The following POU2F1 variants were observed in gnomAD, a reference collection of about 807,000 sequenced individuals.
POU2F1 encodes POU class 2 homeobox 1, also known as POU domain, class 2, transcription factor 1.
A neutral mutation model predicts 84.9 loss-of-function variants in POU2F1; 16 were observed. The ratio of observed to expected loss-of-function variants is 0.19; its 90% confidence interval spans 0.13 to 0.29. The LOEUF (loss-of-function observed/expected upper bound fraction) is 0.29, where lower values mean the gene tolerates loss of function less well. Ranked by LOEUF, POU2F1 falls within the 10% of genes least tolerant of loss-of-function variation. The pLI, the probability that POU2F1 is intolerant of heterozygous loss-of-function variation, is 1.00. For missense variants in POU2F1, 738 were observed against 942.6 expected, an observed-to-expected ratio of 0.78 and a Z score of 2.84; for synonymous variants, 368 against 368.3, an observed-to-expected ratio of 1.00 and a Z score of 0.01.
chr1:167,228,435 A>T (rs550700816), intron 1 of POU2F1, among the ~76,000 whole-genome samples: 6 of 152,362 alleles, frequency 3.9e-5, no homozygotes, highest in African/African-American at 1.4e-4. Context: ...CTTCCAGTCT[A>T]ATTTATGAAA....
At chr1:167,333,058 A>G (rs1025144581) in intron 2 of POU2F1, among the ~76,000 whole-genome samples, 53 of 152,220 alleles carry the variant, frequency 3.5e-4, no homozygotes, top group African/African-American at 1.0e-3. Flanking sequence ...TATAAATTAT[A>G]TTAAAAGTTA....
In POU2F1 at chr1:167,389,677, C is replaced by T. The variant is rs760410027; in HGVS notation, c.903C>T (p.Ser301=). 2 of 1,614,210 alleles carry T rather than the reference C, an allele frequency of 1.2e-6. No individual in the cohort carries two copies. Among genetic ancestry groups the T allele is most frequent in the Non-Finnish European group, 1.7e-6 (2 of 1,180,032 alleles). Residue 301 remains serine, a synonymous_variant, in exon 9 of 16, where the codon AGC becomes AGT. Transcript: ENST00000367866. ...QSTPKRIDTP[S]LEEPSDLEEL... ...CACCAAAGCGAATTGATACTCCCAG[C>T]TTGGAGGAGCCCAGTGACCTTGAGG...
intron 2 of POU2F1, among the ~76,000 whole-genome samples, chr1:167,358,716 C>CTTTTTTTTTTTTTTTTTTTTTTTTTTT (rs1197814755): frequency 1.8e-4 from 7 of 38,354 alleles, no homozygotes; most frequent in African/African-American, 3.6e-4. Context: ...TTATCTGCAG[C>CTTTTTTTTTTTTTTTTTTTTTTTTTTT]TTTTTTTTTT....
rs775820178 is a variant in POU2F1 at position 167,365,418 on chromosome 1, A to G, written c.128-49A>G. On this transcript the variant is annotated intron_variant, in intron 2 of 15. Transcript: ENST00000367866. ...GTTGGTAACTGAAATCTAGTGCTTT[A>G]TTTCATTTATTTCTTTTAATAGTTG... is the stretch of plus-strand genomic sequence containing the variant. 3.6e-6 allele frequency: 5 copies of G among 1,387,588 alleles called. No homozygotes were observed. In the South Asian group the frequency reaches 5.5e-5, roughly 15 times the overall value. The allele number at this position is 1,387,588 out of a possible 1,614,324, so 86.0% of individuals were successfully genotyped here.
intron 1 of POU2F1, among the ~76,000 whole-genome samples, chr1:167,245,369 G>C (rs1172269950): frequency 7.3e-5 from 11 of 150,682 alleles, no homozygotes. Context: ...TCAACCTCCC[G>C]AGTAGCTGGG....
At position 167,304,774 on chromosome 1, in the gene POU2F1, G is replaced by C. The variant is rs13373874; in HGVS notation, c.62-27696G>C. Among the ~76,000 whole-genome samples the C allele has an allele frequency of 7.0e-3, 1,071 of 152,216 alleles. 8 individuals are homozygous for C. The highest frequency in any genetic ancestry group is 0.024 in the African/African-American group (1,016 of 41,524). ...GTAAACTAATTTGGGCAAGTCCAAA[G>C]GGATATTTTCTGTGACTGAACATTT... On this transcript the variant is annotated intron_variant, in intron 1 of 15. Transcript: ENST00000367866.
Position 167,415,597 on chromosome 1 carries a change from C to A in POU2F1, c.2088C>A (p.Ala696=), listed in dbSNP as rs1650248589. The A allele has an allele frequency of 6.2e-7, 1 of 1,614,142 alleles. No individual in the cohort carries two copies. Among genetic ancestry groups the A allele is most frequent in the East Asian group, 2.2e-5 (1 of 44,892 alleles). ...NAGGAPNIVT[A]PLFLNPQNLS... ...GAGGAGCCCCCAACATCGTGACTGC[C>A]CCTCTGTTCCTGAACCCTCAGAACC... is the stretch of plus-strand genomic sequence containing the variant. The change falls in exon 16 of 16, where the codon GCC becomes GCA. Residue 696 remains alanine, a synonymous_variant. Transcript: ENST00000367866.
intron 1 of POU2F1, among the ~76,000 whole-genome samples, chr1:167,315,183 T>C (rs1655797905): frequency 6.6e-6 from 1 of 150,592 alleles, no homozygotes; most frequent in South Asian, 2.1e-4. Flanking sequence ...CAGGCATTTC[T>C]TTATAGCAAT....
intron 1 of POU2F1, among the ~76,000 whole-genome samples, chr1:167,289,168 CT>C (rs966965668): frequency 2.0e-5 from 3 of 152,036 alleles, no homozygotes; most frequent in African/African-American, 7.2e-5. Flanking sequence ...GCACATGTTT[CT>C]TTTTTTGAAA....
In POU2F1 at chr1:167,419,746, A is replaced by G. The variant is rs189033600; in HGVS notation, c.*3936A>G. 2.2e-3 allele frequency: 340 copies of G among 152,358 alleles called. 4 individuals are homozygous for G. The highest frequency in any genetic ancestry group is 7.9e-3 in the African/African-American group (330 of 41,582). The allele number at this position is 152,358 out of a possible 1,614,324, so 9.4% of individuals were successfully genotyped here. On this transcript the variant is annotated 3_prime_UTR_variant, in exon 16 of 16. Transcript: ENST00000367866. ...CTTTTATTTGTTATCAGAAAGATCA[A>G]TACTATCCCAATTTATTCAACTTGT... is the stretch of plus-strand genomic sequence containing the variant.
At chr1:167,282,777 C>T (rs912412844) in intron 1 of POU2F1, among the ~76,000 whole-genome samples, 1 of 152,156 alleles carries the variant, frequency 6.6e-6, no homozygotes, top group Non-Finnish European at 1.5e-5. Flanking sequence ...AGATATTGCA[C>T]CTCTTCTCTG....
chr1:167,303,536 G>GA (rs1654857737), intron 1 of POU2F1: 1 of 154,232 alleles, frequency 6.5e-6, no homozygotes. Flanking sequence ...AGTTTTCAAT[G>GA]AATCAGTTCA....
At chr1:167,286,944 G>A (rs1309250202) in intron 1 of POU2F1, among the ~76,000 whole-genome samples, 1 of 152,176 alleles carries the variant, frequency 6.6e-6, no homozygotes, top group East Asian at 1.9e-4. Context: ...AAAATTAATG[G>A]TTATCAAGCT....
chr1:167,283,199 C>A (rs1489944592), intron 1 of POU2F1, among the ~76,000 whole-genome samples: 1 of 151,962 alleles, frequency 6.6e-6, no homozygotes, highest in African/African-American at 2.4e-5. Context: ...AATATTTGAG[C>A]ATCCATTAAA....
intron 1 of POU2F1, among the ~76,000 whole-genome samples, chr1:167,322,134 C>T (rs1486442716): frequency 6.6e-6 from 1 of 152,070 alleles, no homozygotes. Flanking sequence ...AATTCTTTAC[C>T]CTGAATAGTT....
chr1:167,232,459 G>A (rs1649134358), intron 1 of POU2F1, among the ~76,000 whole-genome samples: 1 of 152,106 alleles, frequency 6.6e-6, no homozygotes. Flanking sequence ...ATAGAATAAG[G>A]ATATAAAGAA....
chr1:167,364,391 G>A lies in POU2F1; in HGVS notation c.128-1076G>A, dbSNP rs557151156. On this transcript the variant is annotated intron_variant, in intron 2 of 15. Coordinates refer to ENST00000367866, the MANE Select transcript of POU2F1 (RefSeq NM_002697.4). ...TAAAAATACAAAAAATTAGCCGGGC[G>A]TAGTGGCGGGCGCCTGTAGTCCCAG... 6.7e-4 allele frequency among the ~76,000 whole-genome samples: 100 copies of A among 148,514 alleles called. 1 individual carries two copies. Among genetic ancestry groups the A allele is most frequent in the African/African-American group, 2.4e-3 (96 of 40,670 alleles).
rs116969690 is a variant in POU2F1, at chr1:167,249,932, C to A, written c.61+28974C>A. On this transcript the variant is annotated intron_variant, in intron 1 of 15. Transcript: ENST00000367866. ...TTTGCAAGATGGTGTTACCTTTGCC[C>A]ACTTCTTGCTGTCAGATGGTAGATA... 5.1e-4 allele frequency among the ~76,000 whole-genome samples: 78 copies of A among 152,242 alleles called. 1 individual carries two copies. In the East Asian group the frequency reaches 0.014, roughly 28 times the overall value.
intron 10 of POU2F1, 139 bp from the exon 11 acceptor site, chr1:167,397,855 A>G: frequency 1.1e-6 from 1 of 894,242 alleles, no homozygotes; most frequent in Non-Finnish European, 1.6e-6. Context: ...AATAAGCAAT[A>G]TTGTAATGTA....
Sources: gnomAD v4.1 joint callset for allele counts (sites outside exome capture counted in the v4.1 genomes callset) on GRCh38, gnomAD v4.1.1 for gene constraint, MANE v1.5 for transcripts, NCBI Gene and HGNC (gene_info 2026-07-23, HGNC 2026-07-21) for gene names.